Variants in FAM120C observed in about 807,000 individuals in gnomAD.
The protein encoded by FAM120C is constitutive coactivator of PPAR-gamma-like protein 2.
A neutral mutation model predicts 71.2 loss-of-function variants in FAM120C; 14 were observed. The ratio of observed to expected loss-of-function variants is 0.20; its 90% CI spans 0.13 to 0.31. The LOEUF is 0.31. Among genes scored for constraint, FAM120C ranks in the 10% least tolerant of loss-of-function variants. The pLI is 1.00. For missense variants in FAM120C, 500 were observed against 879.0 expected, an observed-to-expected ratio of 0.57 and a Z score of 5.45; for synonymous variants, 354 against 353.2, an observed-to-expected ratio of 1.00 and a Z score of -0.03.
chrX:54,153,636 C>T (rs1284278847), intron 3 of FAM120C, among the ~76,000 whole-genome samples: 5 of 107,294 alleles, frequency 4.7e-5, no homozygotes, highest in Admixed American at 2.0e-4. Flanking sequence ...GGCATGATCT[C>T]GGCTCACTGC....
chrX:54,158,497 G>A (rs1272298932), intron 2 of FAM120C, among the ~76,000 whole-genome samples: 1 of 112,165 alleles, frequency 8.9e-6, no homozygotes, highest in Non-Finnish European at 1.9e-5. Flanking sequence ...GGCCAGGCAC[G>A]GTGTCTCACG....
At position 54,158,241 on chromosome X, in the gene FAM120C, C is replaced by T. The variant is rs782130493; in HGVS notation, c.947-470G>A. ...AATAACATCATGAGGTATTATTATC[C>T]GCATTTCACAGATGAGAAAACTGAA... is the stretch of plus-strand genomic sequence containing the variant. On this transcript the variant is annotated intron_variant, in intron 2 of 15. Transcript: ENST00000375180. Among the ~76,000 whole-genome samples the T allele has an allele frequency of 1.1e-3, 128 of 112,014 alleles. 1 individual carries two copies. Among genetic ancestry groups the T allele is most frequent in the Middle Eastern group, 4.6e-3 (1 of 218 alleles).
At position 54,177,042 on chromosome X, in the gene FAM120C, A is replaced by G. The variant is rs781931006; in HGVS notation, c.699+5458T>C. Among the ~76,000 whole-genome samples, 161 of 111,567 alleles carry G rather than the reference A, an allele frequency of 1.4e-3. 1 individual carries two copies. Among genetic ancestry groups the G allele is most frequent in the African/African-American group, 5.1e-3 (156 of 30,702 alleles). On this transcript the variant is annotated intron_variant, in intron 1 of 15. Transcript: ENST00000375180. ...TTGCTATGCAAAGGTCAAGATAAAC[A>G]TAAGAAAAATACTATGAGAGAGGAC...
intron 7 of FAM120C, among the ~76,000 whole-genome samples, chrX:54,134,356 C>T (rs782203809): frequency 8.9e-6 from 1 of 112,305 alleles, no homozygotes; most frequent in South Asian, 3.7e-4. Flanking sequence ...CAAAGCAGCT[C>T]TGTTTCCCAG....
At chrX:54,101,238 G>A (rs2066880780) in intron 10 of FAM120C, among the ~76,000 whole-genome samples, 1 of 111,411 alleles carries the variant, frequency 9.0e-6, no homozygotes, top group Admixed American at 9.6e-5. Flanking sequence ...AGATATGGCT[G>A]CTCCAGCTGG....
rs781812663 is a variant in FAM120C at position 54,135,035 on chromosome X, G to T, written c.1412C>A (p.Ser471Tyr). 7 of 1,210,952 alleles carry T rather than the reference G, an allele frequency of 5.8e-6. No homozygotes were observed. The South Asian group carries it at 1.2e-4, about 21-fold the overall frequency. Residue 471 changes from serine (S) to tyrosine (Y), a missense_variant, in exon 7 of 16, where the codon TCC becomes TAC. Transcript: ENST00000375180. Reference protein sequence around the residue: ...PVGPNSSLLFSSHALGESHAF... With the variant: ...PVGPNSSLLFYSHALGESHAF... ...ATGGGATTCCCCCAAAGCATGGGAG[G>T]AGAAGAGAAGAGATGAGTTGGGTCC...
chrX:54,083,276 C>A (rs1445975243), intron 13 of FAM120C, among the ~76,000 whole-genome samples: 3 of 109,512 alleles, frequency 2.7e-5, no homozygotes, highest in African/African-American at 1.0e-4. Context: ...CCAAATGAAC[C>A]CTTAACTCAT....
intron 13 of FAM120C, 102 bp downstream of exon 13, chrX:54,085,613 A>C: frequency 1.3e-6 from 1 of 741,540 alleles, no homozygotes; most frequent in Non-Finnish European, 1.9e-6. Context: ...CAATGAGATG[A>C]GATATATGTG....
chrX:54,162,223 G>A (rs1557134520), intron 1 of FAM120C, among the ~76,000 whole-genome samples: 1 of 111,154 alleles, frequency 9.0e-6, no homozygotes. Context: ...TCACAATTCC[G>A]CAATACCTCT....
Position 54,071,984 on chromosome X carries a change from GTATA to G in FAM120C, c.*1045_*1048del, listed in dbSNP as rs1295602160. On this transcript the variant is annotated 3_prime_UTR_variant, in exon 16 of 16. Coordinates refer to ENST00000375180, the MANE Select transcript of FAM120C (RefSeq NM_017848.6). The stretch of plus-strand genomic sequence containing the variant: ...TGTATGTATGTGTGTATATATGTGT[GTATA>G]TATATATACACACATATATACACAC... 5 of 100,347 alleles carry G rather than the reference GTATA, an allele frequency of 5.0e-5. No individual in the cohort carries two copies. The highest frequency in any genetic ancestry group is 4.0e-5 in the Non-Finnish European group (2 of 49,668). The allele number at this position is 100,347 out of a possible 1,213,427, so 8.3% of individuals were successfully genotyped here.
intron 10 of FAM120C, among the ~76,000 whole-genome samples, chrX:54,108,244 T>C (rs1557125125): frequency 2.7e-5 from 3 of 109,999 alleles, no homozygotes; most frequent in Non-Finnish European, 3.8e-5. Context: ...GAGATCTCAA[T>C]GGAAAAAAAT....
intron 11 of FAM120C, 30 bp from the exon 12 acceptor site, chrX:54,087,994 T>C: frequency 9.2e-7 from 1 of 1,090,926 alleles, no homozygotes; most frequent in Non-Finnish European, 1.3e-6. Context: ...AATATTACTA[T>C]TAAGAAACTA....
chrX:54,171,619 A>G (rs1381682067), intron 1 of FAM120C: 1 of 111,744 alleles, frequency 8.9e-6, no homozygotes, highest in Non-Finnish European at 1.9e-5. Context: ...GTTAGGTCTT[A>G]TATTTTTGTT....
intron 12 of FAM120C, among the ~76,000 whole-genome samples, chrX:54,086,665 G>C (rs782802606): frequency 3.9e-5 from 4 of 102,419 alleles, no homozygotes; most frequent in Admixed American, 2.3e-4. Flanking sequence ...TGAGACAGGA[G>C]AATCACTTGA....
chrX:54,106,275 T>C (rs1390783971), intron 10 of FAM120C, among the ~76,000 whole-genome samples: 1 of 111,779 alleles, frequency 8.9e-6, no homozygotes, highest in Non-Finnish European at 1.9e-5. Context: ...AACCATCTGA[T>C]CTTTGACAAA....
intron 10 of FAM120C, among the ~76,000 whole-genome samples, chrX:54,110,538 T>G (rs1302760293): frequency 2.7e-5 from 3 of 110,941 alleles, no homozygotes; most frequent in Non-Finnish European, 3.8e-5. Context: ...TTATAGAATC[T>G]AGGTGGTGGT....
At chrX:54,162,345 G>C (rs1371402632) in intron 1 of FAM120C, among the ~76,000 whole-genome samples, 1 of 111,547 alleles carries the variant, frequency 9.0e-6, no homozygotes, top group East Asian at 2.8e-4. Flanking sequence ...CTTTCCCAAT[G>C]TTCTGAATAC....
intron 15 of FAM120C, among the ~76,000 whole-genome samples, chrX:54,079,123 G>C (rs942604653): frequency 9.1e-6 from 1 of 109,511 alleles, no homozygotes; most frequent in African/African-American, 3.3e-5. Flanking sequence ...TCAGCCGGGC[G>C]TGGTGGCGGG....
intron 15 of FAM120C, among the ~76,000 whole-genome samples, chrX:54,078,077 G>T (rs1001608946): frequency 1.4e-4 from 14 of 102,444 alleles, no homozygotes; most frequent in Non-Finnish European, 2.0e-4. Context: ...CCGAGTAGCT[G>T]GGACTACAGG....
Sources: gnomAD v4.1 joint callset for allele counts (sites outside exome capture counted in the v4.1 genomes callset) on GRCh38, gnomAD v4.1.1 for gene constraint, MANE v1.5 for transcripts, NCBI Gene and HGNC (gene_info 2026-07-23, HGNC 2026-07-21) for gene names.